The following DGKH variants were observed in gnomAD, a reference collection of about 807,000 sequenced individuals.
The protein encoded by DGKH is DAG kinase eta.
In DGKH, 90 loss-of-function variants were observed where a neutral mutation model predicts 159.3. That is an observed-to-expected ratio of 0.57 (90% CI 0.48 to 0.67). DGKH has a LOEUF of 0.67. Ranked by LOEUF, DGKH falls within the 30% of genes least tolerant of loss-of-function variation. The pLI is 0.00. For missense variants in DGKH, 1,181 were observed against 1,506.1 expected, an observed-to-expected ratio of 0.78 and a Z score of 3.57; for synonymous variants, 536 against 553.8, an observed-to-expected ratio of 0.97 and a Z score of 0.45.
intron 29 of DGKH, among the ~76,000 whole-genome samples, chr13:42,222,063 A>G (rs1957988751): frequency 6.6e-6 from 1 of 152,224 alleles, no homozygotes; most frequent in African/African-American, 2.4e-5. Flanking sequence ...ACGATAGAGA[A>G]AACCATTCCT....
In DGKH at chr13:42,224,281, C is replaced by T. The variant is rs117466327; in HGVS notation, c.3573+2887C>T. 3.0e-4 allele frequency among the ~76,000 whole-genome samples: 46 copies of T among 152,250 alleles called. No individual in the cohort carries two copies. In the East Asian group the frequency reaches 8.3e-3, roughly 27 times the overall value. ...GCATTTTATAAATCAGATCTCTGGC[C>T]CTCCAGGCACTCTAGGCAGAGAAAT... On this transcript the variant is annotated intron_variant, in intron 29 of 29. Transcript: ENST00000337343.
intron 11 of DGKH, among the ~76,000 whole-genome samples, chr13:42,169,687 C>G (rs559209698): frequency 2.6e-5 from 4 of 152,284 alleles, no homozygotes; most frequent in African/African-American, 9.6e-5. Context: ...TGTAATTACT[C>G]TAAGATGGGC....
intron 20 of DGKH, among the ~76,000 whole-genome samples, chr13:42,200,646 C>T (rs951785476): frequency 2.0e-5 from 3 of 152,062 alleles, no homozygotes; most frequent in Non-Finnish European, 4.4e-5. Flanking sequence ...GTCTACAGCT[C>T]AACAAAATAA....
At chr13:42,089,133 T>C (rs1954365867) in intron 1 of DGKH, among the ~76,000 whole-genome samples, 2 of 152,194 alleles carry the variant, frequency 1.3e-5, no homozygotes, top group African/African-American at 4.8e-5. Flanking sequence ...TTGATGGATC[T>C]GAAAGGAGAA....
intron 17 of DGKH, among the ~76,000 whole-genome samples, chr13:42,195,353 T>A (rs548093149): frequency 1.3e-5 from 2 of 151,976 alleles, no homozygotes; most frequent in Non-Finnish European, 2.9e-5. Flanking sequence ...TACAAAAAAA[T>A]TAGCTAAGTG....
At chr13:42,047,450 G>T (rs1480582927), upstream of DGKH, among the ~76,000 whole-genome samples, 1 of 152,210 alleles carries the variant, frequency 6.6e-6, no homozygotes, top group Non-Finnish European at 1.5e-5. Context: ...TCTCCAGGTG[G>T]AGAGACTCCA....
At position 42,187,823 on chromosome 13, in the gene DGKH, A is replaced by G. The variant is rs569319186; in HGVS notation, c.1638+675A>G. On this transcript the variant is annotated intron_variant, in intron 14 of 29. Coordinates refer to ENST00000337343, the MANE Select transcript of DGKH (RefSeq NM_178009.5). ...CAGCATGGTTCTTTGGATTTCCTAGACATTACAATTCTTGGTCTCTTTCAG... is the reference window on the plus strand; with the variant it reads ...CAGCATGGTTCTTTGGATTTCCTAGGCATTACAATTCTTGGTCTCTTTCAG... 9.4e-4 allele frequency among the ~76,000 whole-genome samples: 143 copies of G among 152,294 alleles called. 1 individual carries two copies. The highest frequency in any genetic ancestry group is 1.7e-3 in the Non-Finnish European group (116 of 68,014).
At chr13:42,172,872 A>T (rs1363535780) in intron 11 of DGKH, among the ~76,000 whole-genome samples, 2 of 151,964 alleles carry the variant, frequency 1.3e-5, no homozygotes, top group Non-Finnish European at 2.9e-5. Flanking sequence ...ACGGGGTTTC[A>T]CCATGTTGGC....
intron 21 of DGKH, among the ~76,000 whole-genome samples, chr13:42,208,452 C>T (rs1241519249): frequency 1.3e-5 from 2 of 152,172 alleles, no homozygotes; most frequent in East Asian, 3.9e-4. Context: ...ATATAAAGCA[C>T]ATATGTATAT....
At chr13:42,155,611 G>T (rs1956023967) in intron 4 of DGKH, 56 bp from the exon 5 acceptor site, 2 of 1,612,228 alleles carry the variant, frequency 1.2e-6, no homozygotes, top group East Asian at 4.5e-5. Flanking sequence ...AAACAGTTCA[G>T]CATCTGTAGC....
chr13:42,083,406 C>G (rs1030168028), intron 1 of DGKH, among the ~76,000 whole-genome samples: 1 of 152,146 alleles, frequency 6.6e-6, no homozygotes, highest in African/African-American at 2.4e-5. Context: ...GACATGCTCT[C>G]CTCTTTCTGT....
intron 5 of DGKH, among the ~76,000 whole-genome samples, chr13:42,156,411 C>CT (rs1171932646): frequency 6.0e-4 from 89 of 148,764 alleles, no homozygotes; most frequent in South Asian, 6.4e-4. Flanking sequence ...CCTGGCTAAT[C>CT]TTTTTTTTTT....
Position 42,189,257 on chromosome 13 carries a change from G to T in DGKH, c.1860G>T (p.Arg620=). 6.2e-7 allele frequency: 1 copy of T among 1,614,208 alleles called. No individual in the cohort carries two copies. The highest frequency in any genetic ancestry group is 8.5e-7 in the Non-Finnish European group (1 of 1,180,042). Residue 620 remains arginine, a synonymous_variant, in exon 15 of 30, where the codon CGG becomes CGT. Transcript: ENST00000337343. ...KAVKPREIML[R]ANSLKKAVRQ... ...TCAAACCAAGGGAAATCATGTTGCG[G>T]GCAAATAGTTTAAAGAAAGCAGTGA... is the stretch of plus-strand genomic sequence containing the variant.
chr13:42,091,352 GAC>G (rs1954413904), intron 1 of DGKH, among the ~76,000 whole-genome samples: 1 of 152,122 alleles, frequency 6.6e-6, no homozygotes, highest in Non-Finnish European at 1.5e-5. Context: ...TGTGTCAAAA[GAC>G]ACTATCAAGG....
At chr13:42,164,181 A>G (rs888886209) in intron 7 of DGKH, among the ~76,000 whole-genome samples, 6 of 152,170 alleles carry the variant, frequency 3.9e-5, no homozygotes, top group African/African-American at 9.7e-5. Context: ...TAATGAATCA[A>G]CTTATAATTT....
In DGKH at chr13:42,157,525, C is replaced by T. The variant is rs771950476; in HGVS notation, c.622+1726C>T. ...ATATTCGGCCGGGCACGGTGGCTCA[C>T]GCCTGTAATCCCAGCACTTCGGGAG... On this transcript the variant is annotated intron_variant, in intron 5 of 29. Transcript: ENST00000337343. 8.5e-5 allele frequency among the ~76,000 whole-genome samples: 13 copies of T among 152,114 alleles called. 1 individual carries two copies. Among genetic ancestry groups the T allele is most frequent in the Non-Finnish European group, 1.5e-4 (10 of 68,030 alleles).
chr13:42,252,770 C>A (rs1197888879), intron 30 of DGKH, among the ~76,000 whole-genome samples: 1 of 150,824 alleles, frequency 6.6e-6, no homozygotes, highest in Non-Finnish European at 1.5e-5. Context: ...TTTTTTGAGA[C>A]AGAGTCTTGA....
chr13:42,250,949 T>C (rs1405785080), intron 29 of DGKH, among the ~76,000 whole-genome samples: 1 of 152,244 alleles, frequency 6.6e-6, no homozygotes, highest in East Asian at 1.9e-4. Context: ...GATTTGAAAG[T>C]GATTACAGCA....
chr13:42,221,507 A>T, intron 29 of DGKH, 113 bp downstream of exon 29: 13 of 1,351,446 alleles, frequency 9.6e-6, no homozygotes, highest in Non-Finnish European at 1.3e-5. Context: ...GCAAATGTGT[A>T]GTAACCTAAC....
Sources: allele counts gnomAD v4.1 joint callset (sites outside exome capture counted in the v4.1 genomes callset), GRCh38; gene constraint gnomAD v4.1.1; transcripts MANE v1.5; gene names NCBI Gene and HGNC (gene_info 2026-07-23, HGNC 2026-07-21).